CAMK1G: variants seen among roughly 807,000 people sequenced by gnomAD.
The protein encoded by CAMK1G is calcium/calmodulin-dependent protein kinase type 1G.
A neutral mutation model predicts 54.8 loss-of-function variants in CAMK1G; 27 were observed. The ratio of observed to expected loss-of-function variants is 0.49; its 90% CI spans 0.36 to 0.68. The LOEUF (loss-of-function observed/expected upper bound fraction) is 0.68, where lower values mean the gene tolerates loss of function less well. Ranked by LOEUF, CAMK1G falls within the 30% of genes least tolerant of loss-of-function variation. The pLI is 0.00. For missense variants in CAMK1G, 512 were observed against 591.0 expected (o/e 0.87, Z 1.39); for synonymous variants, 238 against 224.9 (o/e 1.06, Z -0.52).
chr1:209,587,259 T>C (rs1184666030), intron 1 of CAMK1G, among the ~76,000 whole-genome samples: 1 of 151,874 alleles, frequency 6.6e-6, no homozygotes, highest in Non-Finnish European at 1.5e-5. Context: ...ACAAGGAGGG[T>C]GAAACTGTGA....
At chr1:209,605,371 G>A (rs1473462387) in intron 4 of CAMK1G, 165 bp from the exon 5 acceptor site, 5 of 231,532 alleles carry the variant, frequency 2.2e-5, no homozygotes, top group African/African-American at 9.3e-5. Context: ...TACCCAGAGT[G>A]GGTGTTCTGA....
intron 12 of CAMK1G, 61 bp from the exon 13 acceptor site, chr1:209,612,979 T>C: frequency 2.4e-6 from 2 of 840,782 alleles, no homozygotes; most frequent in Non-Finnish European, 4.0e-6. Flanking sequence ...CATGCCAGAG[T>C]GTGAGTGATG....
At chr1:209,602,108 C>A (rs1434938706) in intron 3 of CAMK1G, among the ~76,000 whole-genome samples, 4 of 152,136 alleles carry the variant, frequency 2.6e-5, no homozygotes, top group African/African-American at 9.7e-5. Context: ...CTCTGAGTAA[C>A]CCCAAACAAG....
intron 1 of CAMK1G, among the ~76,000 whole-genome samples, chr1:209,584,805 C>A (rs1397879036): frequency 2.0e-5 from 3 of 152,154 alleles, no homozygotes; most frequent in Non-Finnish European, 4.4e-5. Context: ...AGAACAAGGT[C>A]CCTGTCATTC....
chr1:209,606,429 C>A lies in CAMK1G; in HGVS notation c.545C>A (p.Thr182Asn). 1 of 1,613,888 alleles carries A rather than the reference C, an allele frequency of 6.2e-7. No individual in the cohort carries two copies. ...QNGIMSTACG[T>N]PGYVAPEVLA... ...GGCATCATGTCCACTGCCTGTGGGA[C>A]CCCAGGCTACGTGGGTAAGTCTGGG... is the stretch of plus-strand genomic sequence containing the variant. Residue 182 changes from threonine (T) to asparagine (N), a missense_variant, in exon 6 of 13, where the codon ACC becomes AAC. Thr to Asn is a moderately conservative substitution (Grantham distance 65, BLOSUM62 0). This residue lies in a region of CAMK1G where 186 missense variants were observed against 231.5 expected (regional missense o/e 0.80). Coordinates refer to ENST00000361322, the MANE Select transcript of CAMK1G (RefSeq NM_020439.3).
At position 209,606,109 on chromosome 1, in the gene CAMK1G, G is replaced by A. The variant is rs115584389; in HGVS notation, c.436-211G>A. Among the ~76,000 whole-genome samples, 226 of 152,254 alleles carry A rather than the reference G, an allele frequency of 1.5e-3. 1 individual carries two copies. Among genetic ancestry groups the A allele is most frequent in the African/African-American group, 4.9e-3 (202 of 41,544 alleles). On this transcript the variant is annotated intron_variant, in intron 5 of 12. Transcript: ENST00000361322. Reference sequence around the variant, plus strand: ...TGAGTATATTAATGTTTACAAGACCGAGCAAAGTCAGAGCCATAAGCAAGG... The same window carrying A: ...TGAGTATATTAATGTTTACAAGACCAAGCAAAGTCAGAGCCATAAGCAAGG...
At chr1:209,599,719 C>T (rs1665480191) in intron 2 of CAMK1G, among the ~76,000 whole-genome samples, 1 of 152,204 alleles carries the variant, frequency 6.6e-6, no homozygotes, top group Admixed American at 6.5e-5. Flanking sequence ...AGTACAGGTT[C>T]CAGTCTAGGG....
At position 209,603,254 on chromosome 1, in the gene CAMK1G, G is replaced by A. The variant is rs1486114545; in HGVS notation, c.262G>A (p.Glu88Lys). 1 of 1,614,018 alleles carries A rather than the reference G, an allele frequency of 6.2e-7. No individual in the cohort carries two copies. Among genetic ancestry groups the A allele is most frequent in the Non-Finnish European group, 8.5e-7 (1 of 1,179,992 alleles). ...ENIVTLEDIYESTTHYYLVMQ... is the reference protein window; with the variant it reads ...ENIVTLEDIYKSTTHYYLVMQ... ...CATTGTGACCCTGGAGGACATCTAT[G>A]AGAGCACCACCCACTACTACCTGGT... The change falls in exon 4 of 13, where the codon GAG becomes AAG. Residue 88 changes from glutamate to lysine, a missense_variant. Glu to Lys is a moderately conservative substitution (Grantham distance 56). Transcript: ENST00000361322.
rs752867095 is a variant in CAMK1G, at chr1:209,607,846, G to C, written c.560-12G>C. 6.2e-6 allele frequency: 10 copies of C among 1,610,534 alleles called. No individual in the cohort carries two copies. The highest frequency in any genetic ancestry group is 1.7e-5 in the Admixed American group (1 of 59,546). ...TGCCACCAGCCCTGACTCTGCCCTT[G>C]GTCTGCTGCAGCTCCAGAAGTGCTG... On this transcript the variant is annotated splice_polypyrimidine_tract_variant and intron_variant, in intron 6 of 12. Coordinates refer to ENST00000361322, the MANE Select transcript of CAMK1G (RefSeq NM_020439.3).
rs1234491415 is a variant in CAMK1G, at chr1:209,613,517, C to T, written c.*515C>T. On this transcript the variant is annotated 3_prime_UTR_variant, in exon 13 of 13. Transcript: ENST00000361322. ...CTCATTAATGTCGTTGCCTGCCCAT[C>T]TGCATGAATGACAGGCAGCTCCCCA... The T allele has an allele frequency of 6.6e-6, 1 of 152,350 alleles. No individual in the cohort carries two copies. The highest frequency in any genetic ancestry group is 1.5e-5 in the Non-Finnish European group (1 of 68,136). The allele number at this position is 152,350 out of a possible 1,614,324, so 9.4% of individuals were successfully genotyped here.
chr1:209,597,733 A>G (rs1362672810), intron 2 of CAMK1G, among the ~76,000 whole-genome samples: 1 of 152,206 alleles, frequency 6.6e-6, no homozygotes, highest in African/African-American at 2.4e-5. Flanking sequence ...TTTCTAATGC[A>G]GATTTTTAAA....
intron 1 of CAMK1G, among the ~76,000 whole-genome samples, chr1:209,584,538 TCAC>T (rs1293767773): frequency 2.0e-5 from 3 of 151,860 alleles, no homozygotes; most frequent in Non-Finnish European, 4.4e-5. Flanking sequence ...AGGTCTGGAT[TCAC>T]CACCACCACC....
At chr1:209,612,378 T>A in intron 11 of CAMK1G, 162 bp downstream of exon 11, 1 of 715,568 alleles carries the variant, frequency 1.4e-6, no homozygotes, top group South Asian at 1.9e-5. Flanking sequence ...TCCAGCCCTG[T>A]CCCCATCACT....
chr1:209,599,155 TCA>T (rs1558138009), intron 2 of CAMK1G, among the ~76,000 whole-genome samples: 1 of 152,138 alleles, frequency 6.6e-6, no homozygotes, highest in Non-Finnish European at 1.5e-5. Flanking sequence ...GAGAACTCAC[TCA>T]CTATCCTGAG....
At chr1:209,589,514 T>A (rs1464756554) in intron 1 of CAMK1G, among the ~76,000 whole-genome samples, 3 of 152,120 alleles carry the variant, frequency 2.0e-5, no homozygotes, top group Non-Finnish European at 2.9e-5. Flanking sequence ...AAAGAATACA[T>A]CCACCCACCT....
At chr1:209,584,141 T>C (rs1195231525) in intron 1 of CAMK1G, among the ~76,000 whole-genome samples, 4 of 152,026 alleles carry the variant, frequency 2.6e-5, no homozygotes, top group Non-Finnish European at 5.9e-5. Flanking sequence ...TCTGCTGGGG[T>C]GTTAGGACCT....
chr1:209,612,853 C>G lies in CAMK1G; in HGVS notation c.1409C>G (p.Thr470Ser), dbSNP rs1228222534. 1 of 1,612,898 alleles carries G rather than the reference C, an allele frequency of 6.2e-7. No individual in the cohort carries two copies. The highest frequency in any genetic ancestry group is 8.5e-7 in the Non-Finnish European group (1 of 1,179,080). ...SGSSHCRAGQ[T>S]GVCLIM ...AGCTCCCACTGCCGGGCAGGGCAGA[C>G]TGGAGTCTGTCTCATTATGTGATTC... Residue 470 changes from threonine to serine, a missense_variant, in exon 12 of 13, where the codon ACT becomes AGT. Transcript: ENST00000361322.
rs186593003 is a variant in CAMK1G at position 209,612,795 on chromosome 1, T to C, written c.1351T>C (p.Ser451Pro). ...KKANKKQNFK[S>P]EVMVPVKASG... ...TCATTTCCTTTCTAGGAACTTCAAG[T>C]CGGAGGTCATGGTACCAGTTAAAGC... Residue 451 changes from serine (S) to proline (P), a missense_variant, in exon 12 of 13, where the codon TCG becomes CCG. By Grantham distance (74) the Ser-to-Pro change is moderately conservative. Coordinates refer to ENST00000361322, the MANE Select transcript of CAMK1G (RefSeq NM_020439.3). 2 of 1,614,046 alleles carry C rather than the reference T, an allele frequency of 1.2e-6. No homozygotes were observed. The highest frequency in any genetic ancestry group is 2.2e-5 in the East Asian group (1 of 44,882).
chr1:209,606,428 A>C lies in CAMK1G; in HGVS notation c.544A>C (p.Thr182Pro). 3.7e-6 allele frequency: 6 copies of C among 1,613,858 alleles called. No individual in the cohort carries two copies. The highest frequency in any genetic ancestry group is 4.2e-6 in the Non-Finnish European group (5 of 1,179,854). Reference sequence around the variant, plus strand: ...TGGCATCATGTCCACTGCCTGTGGGACCCCAGGCTACGTGGGTAAGTCTGG... The same window carrying C: ...TGGCATCATGTCCACTGCCTGTGGGCCCCCAGGCTACGTGGGTAAGTCTGG... ...QNGIMSTACG[T>P]PGYVAPEVLA... The change falls in exon 6 of 13, where the codon ACC (threonine) becomes CCC (proline). Residue 182 changes from threonine (T) to proline (P), a missense_variant. By Grantham distance (38) the Thr-to-Pro change is conservative. This residue lies in a region of CAMK1G where 186 missense variants were observed against 231.5 expected (regional missense o/e 0.80). Transcript: ENST00000361322.
Sources: gnomAD v4.1 joint callset for allele counts (sites outside exome capture counted in the v4.1 genomes callset) on GRCh38, gnomAD v4.1.1 for gene constraint, gnomAD v4.1.1 regional missense constraint, MANE v1.5 for transcripts, NCBI Gene and HGNC (gene_info 2026-07-23, HGNC 2026-07-21) for gene names.